The following TPRG1 variants were observed in gnomAD, a reference collection of about 807,000 sequenced individuals.
TPRG1 encodes tumor protein p63 regulated 1.
In TPRG1, 29 loss-of-function variants were observed where a neutral mutation model predicts 29.3. The observed-to-expected ratio is 0.99, with a 90% CI of 0.74 to 1.35. TPRG1 has a LOEUF of 1.35. Ranked by LOEUF, TPRG1 falls within the 40% of genes most tolerant of loss-of-function variation. The pLI, the probability that TPRG1 is intolerant of heterozygous loss-of-function variation, is 0.00. For missense variants in TPRG1, 327 were observed against 335.0 expected (o/e 0.98, Z 0.19); for synonymous variants, 130 against 116.8 (o/e 1.11, Z -0.73).
chr3:189,233,477 A>G (rs1738992703), intron 3 of TPRG1, among the ~76,000 whole-genome samples: 1 of 152,102 alleles, frequency 6.6e-6, no homozygotes, highest in African/African-American at 2.4e-5. Flanking sequence ...AAGACTCACG[A>G]GTTCTCAGGT....
chr3:189,064,084 T>C (rs933592305), intron 4 of TPRG1, among the ~76,000 whole-genome samples: 4 of 152,120 alleles, frequency 2.6e-5, no homozygotes, highest in African/African-American at 9.7e-5. Flanking sequence ...GCATGTAAAG[T>C]TTTGTCTATT....
At chr3:189,142,305 A>C (rs1459846531) in intron 3 of TPRG1, among the ~76,000 whole-genome samples, 1 of 152,096 alleles carries the variant, frequency 6.6e-6, no homozygotes, top group Admixed American at 6.5e-5. Flanking sequence ...ACACCAAGGG[A>C]TTGATTATAC....
At chr3:189,195,899 C>T (rs959138627) in intron 1 of TPRG1, among the ~76,000 whole-genome samples, 1 of 152,184 alleles carries the variant, frequency 6.6e-6, no homozygotes, top group African/African-American at 2.4e-5. Flanking sequence ...TGTTACTCCC[C>T]TGATGTACTT....
chr3:189,313,885 T>G (rs748360019), intron 5 of TPRG1, among the ~76,000 whole-genome samples: 9 of 152,160 alleles, frequency 5.9e-5, no homozygotes, highest in Non-Finnish European at 8.8e-5. Flanking sequence ...CAGAAGGTTC[T>G]TAGATAAAGA....
chr3:189,004,540 T>C (rs750287619), intron 2 of TPRG1: 1 of 152,220 alleles, frequency 6.6e-6, no homozygotes, highest in African/African-American at 2.4e-5. Flanking sequence ...TTTTCTCTTT[T>C]AGCTCTCACT....
intron 1 of TPRG1, among the ~76,000 whole-genome samples, chr3:189,183,223 G>T (rs1056115422): frequency 2.0e-5 from 3 of 152,120 alleles, no homozygotes. Context: ...ATGATGCCCC[G>T]CAAGCCACAG....
rs796418333 is a variant in TPRG1, at chr3:188,999,351, T to C, written c.-1015-1423T>C. The stretch of plus-strand genomic sequence containing the variant: ...GCTGTTGGTGTCTAAATACTATTCA[T>C]TGATCACAGCACTCATGGCATGCCT... On this transcript the variant is annotated intron_variant, in intron 1 of 10. Transcript: ENST00000433971. Among the ~76,000 whole-genome samples the C allele has an allele frequency of 2.4e-4, 36 of 152,264 alleles. 1 individual carries two copies. The highest frequency in any genetic ancestry group is 8.7e-4 in the African/African-American group (36 of 41,566).
rs116295102 is a variant in TPRG1 at position 189,275,865 on chromosome 3, G to A, written c.480-34521G>A. On this transcript the variant is annotated intron_variant, in intron 4 of 5. Transcript: ENST00000345063. ...CTATAGGTCCATCACTATGTAAACTGTTGAGGATTCAAAGAAAATAGACAA... is the reference window on the plus strand; with the variant it reads ...CTATAGGTCCATCACTATGTAAACTATTGAGGATTCAAAGAAAATAGACAA... 3.3e-3 allele frequency among the ~76,000 whole-genome samples: 510 copies of A among 152,246 alleles called. 4 individuals are homozygous for A. The highest frequency in any genetic ancestry group is 0.012 in the African/African-American group (481 of 41,546).
At chr3:189,173,315 T>C (rs1185292891) in intron 1 of TPRG1, among the ~76,000 whole-genome samples, 1 of 150,646 alleles carries the variant, frequency 6.6e-6, no homozygotes, top group Non-Finnish European at 1.5e-5. Context: ...CAGACTTCTA[T>C]ATATTCTTTT....
At chr3:189,107,085 A>C (rs886615181) in intron 1 of TPRG1, among the ~76,000 whole-genome samples, 1 of 152,064 alleles carries the variant, frequency 6.6e-6, no homozygotes, top group Admixed American at 6.6e-5. Context: ...TTTAAACAGA[A>C]TTTTACTGTT....
intron 1 of TPRG1, among the ~76,000 whole-genome samples, chr3:189,106,943 G>T (rs534033719): frequency 6.6e-6 from 1 of 151,902 alleles, no homozygotes; most frequent in Non-Finnish European, 1.5e-5. Context: ...CTCTCCTTTA[G>T]TAATTTAAAA....
chr3:189,309,747 A>G (rs1278771215), intron 4 of TPRG1: 2 of 152,252 alleles, frequency 1.3e-5, no homozygotes, highest in African/African-American at 2.4e-5. Context: ...TTCCTCCCAC[A>G]TCTTGTGGAT....
At chr3:189,236,235 T>G (rs1308375190) in intron 3 of TPRG1, among the ~76,000 whole-genome samples, 1 of 152,198 alleles carries the variant, frequency 6.6e-6, no homozygotes, top group Non-Finnish European at 1.5e-5. Context: ...AAAAGAATCC[T>G]CCTTTTTTTC....
At chr3:189,127,623 G>C (rs1560468808) in intron 2 of TPRG1, among the ~76,000 whole-genome samples, 1 of 152,170 alleles carries the variant, frequency 6.6e-6, no homozygotes, top group African/African-American at 2.4e-5. Context: ...TGAATAACAT[G>C]TGGCTATACT....
chr3:189,204,943 T>TCACACA (rs1203053094), intron 1 of TPRG1, among the ~76,000 whole-genome samples: 8 of 94,268 alleles, frequency 8.5e-5, no homozygotes, highest in African/African-American at 3.0e-4. Flanking sequence ...TCTCTCTCTC[T>TCACACA]CTCTCACACA....
chr3:189,182,401 C>T (rs1730345799), intron 1 of TPRG1, among the ~76,000 whole-genome samples: 1 of 152,128 alleles, frequency 6.6e-6, no homozygotes. Flanking sequence ...AAAAGTAGTC[C>T]ACATTAAAAC....
chr3:189,318,040 T>C (rs994387288), intron 5 of TPRG1, among the ~76,000 whole-genome samples: 2 of 152,110 alleles, frequency 1.3e-5, no homozygotes, highest in African/African-American at 4.8e-5. Context: ...GCAAGGATGA[T>C]ATATACAGTC....
At chr3:189,003,221 G>C (rs142462459) in intron 2 of TPRG1, among the ~76,000 whole-genome samples, 1 of 152,180 alleles carries the variant, frequency 6.6e-6, no homozygotes, top group African/African-American at 2.4e-5. Context: ...GAGAGGGAGA[G>C]AATTAGAGAA....
chr3:189,287,221 G>C (rs2109175888), intron 4 of TPRG1, among the ~76,000 whole-genome samples: 1 of 152,152 alleles, frequency 6.6e-6, no homozygotes, highest in Admixed American at 6.5e-5. Context: ...GTGACGCTTT[G>C]CCTTTTACAA....
Sources: gnomAD v4.1 joint callset for allele counts (sites outside exome capture counted in the v4.1 genomes callset) on GRCh38, gnomAD v4.1.1 for gene constraint, MANE v1.5 for transcripts, NCBI Gene and HGNC (gene_info 2026-07-23, HGNC 2026-07-21) for gene names.